The following PARD3B variants were observed in gnomAD, a reference collection of about 807,000 sequenced individuals.
PARD3B encodes the protein par-3 family cell polarity regulator beta.
Under a neutral mutation model 130.2 loss-of-function variants are expected in PARD3B, and 103 were observed. The ratio of observed to expected loss-of-function variants is 0.79; its 90% confidence interval spans 0.67 to 0.93. PARD3B has a LOEUF of 0.93. Ranked by LOEUF, PARD3B falls within the 40% of genes least tolerant of loss-of-function variation. The pLI is 0.00. For missense variants in PARD3B, 1,609 were observed against 1,499.2 expected (o/e 1.07, Z -1.21); for synonymous variants, 583 against 553.2 (o/e 1.05, Z -0.76).
chr2:205,365,683 G>C (rs998514805), intron 18 of PARD3B, among the ~76,000 whole-genome samples: 3 of 151,366 alleles, frequency 2.0e-5, no homozygotes, highest in Non-Finnish European at 2.9e-5. Context: ...TTTGTGCCCA[G>C]GCATGTTGGA....
intron 2 of PARD3B, among the ~76,000 whole-genome samples, chr2:204,926,063 T>A (rs1402621855): frequency 6.6e-6 from 1 of 152,036 alleles, no homozygotes; most frequent in East Asian, 1.9e-4. Context: ...GGGTAGCACC[T>A]TTATAAGAGT....
In PARD3B at chr2:204,998,536, GTA is replaced by G. The variant is rs1229139359; in HGVS notation, c.394+33224_394+33225del. Among the ~76,000 whole-genome samples the G allele has an allele frequency of 1.2e-4, 11 of 94,836 alleles. 1 individual carries two copies. Among genetic ancestry groups the G allele is most frequent in the African/African-American group, 3.2e-4 (9 of 27,982 alleles). 62.2% of individuals were successfully genotyped at this position (94,836 alleles called of 152,430 possible). ...TATATGTGTGTGTATATATATGTGT[GTA>G]TATATATATAAAGAATTAGAGAAGA... On this transcript the variant is annotated intron_variant, in intron 3 of 22. Transcript: ENST00000406610.
intron 1 of PARD3B, among the ~76,000 whole-genome samples, chr2:204,651,417 C>T (rs1001241425): frequency 6.6e-6 from 1 of 152,234 alleles, no homozygotes; most frequent in Non-Finnish European, 1.5e-5. Context: ...CTTAAAGCTC[C>T]AAAATAATCT....
chr2:205,079,003 T>C (rs1701237356), intron 4 of PARD3B, among the ~76,000 whole-genome samples: 1 of 152,186 alleles, frequency 6.6e-6, no homozygotes, highest in African/African-American at 2.4e-5. Context: ...GACTGCAGCC[T>C]TGTGAGAGAC....
At chr2:205,329,767 G>T (rs1335078064) in intron 18 of PARD3B, among the ~76,000 whole-genome samples, 1 of 152,112 alleles carries the variant, frequency 6.6e-6, no homozygotes, top group Non-Finnish European at 1.5e-5. Context: ...GAGGCAGGTG[G>T]ATCACCTGAG....
At chr2:204,922,725 A>T (rs2047730637) in intron 2 of PARD3B, among the ~76,000 whole-genome samples, 1 of 152,022 alleles carries the variant, frequency 6.6e-6, no homozygotes, top group South Asian at 2.1e-4. Context: ...TTCTCAAAGG[A>T]GTTGAGATAT....
rs2106525006 is a variant in PARD3B, at chr2:205,562,852, T to C, written c.3260+9449T>C. ...TTTCTGCACCTACCTCCTCCTGTCTTCTCTGACTCCAGCCATTTGCACTGT... is the reference window on the plus strand; with the variant it reads ...TTTCTGCACCTACCTCCTCCTGTCTCCTCTGACTCCAGCCATTTGCACTGT... On this transcript the variant is annotated intron_variant, in intron 22 of 22. Transcript: ENST00000406610. This position sits in a 1 kb window ranked among gnomAD's most constrained non-coding sequence, Gnocchi z 5.4. Among the ~76,000 whole-genome samples the C allele has an allele frequency of 6.6e-6, 1 of 152,322 alleles. No homozygotes were observed. The highest frequency in any genetic ancestry group is 3.4e-3 in the Middle Eastern group (1 of 294).
intron 20 of PARD3B, among the ~76,000 whole-genome samples, chr2:205,449,291 G>A (rs112106759): frequency 0.05 from 7,618 of 150,904 alleles, 655 homozygotes; most frequent in African/African-American, 0.18. Context: ...ATGCAGTGGC[G>A]CGATCTCAGC....
At chr2:204,721,321 A>G (rs1379432666) in intron 2 of PARD3B, among the ~76,000 whole-genome samples, 2 of 152,048 alleles carry the variant, frequency 1.3e-5, no homozygotes, top group Non-Finnish European at 2.9e-5. Context: ...TAAAATGGGA[A>G]CTACCTACAG....
At chr2:205,080,242 G>T (rs79024572) in intron 4 of PARD3B, among the ~76,000 whole-genome samples, 7,329 of 152,048 alleles carry the variant, frequency 0.048, 246 homozygotes, top group Non-Finnish European at 0.07. Flanking sequence ...CAACTTTACA[G>T]AATATCTACT....
chr2:204,895,041 A>G (rs983829812), intron 2 of PARD3B, among the ~76,000 whole-genome samples: 1 of 133,660 alleles, frequency 7.5e-6, no homozygotes, highest in African/African-American at 3.4e-5. Flanking sequence ...TAGAGAATTA[A>G]GGAGAAAGAC....
At chr2:204,810,943 T>G (rs942704994) in intron 2 of PARD3B, among the ~76,000 whole-genome samples, 1 of 151,954 alleles carries the variant, frequency 6.6e-6, no homozygotes, top group Non-Finnish European at 1.5e-5. Context: ...CTGGGCTTTT[T>G]TGTTGTTGTT....
At chr2:205,211,431 A>G (rs906550751) in intron 15 of PARD3B, among the ~76,000 whole-genome samples, 1 of 152,114 alleles carries the variant, frequency 6.6e-6, no homozygotes, top group Non-Finnish European at 1.5e-5. Context: ...TATTTGAGAC[A>G]TATCAGTGAC....
At chr2:205,193,401 T>C in intron 15 of PARD3B, 81 bp downstream of exon 15, 1 of 1,101,934 alleles carries the variant, frequency 9.1e-7, no homozygotes. Context: ...GTTTTGTTTC[T>C]TCAACTCAAA....
Position 205,160,260 on chromosome 2 carries a change from G to A in PARD3B, c.1620+1353G>A, listed in dbSNP as rs537872224. ...CTTTATTTTTCTCATAGCTCTGTGT[G>A]GGGGAGCTGGGGTTTGGGTAGGATT... On this transcript the variant is annotated intron_variant, in intron 11 of 22. Coordinates refer to ENST00000406610, the MANE Select transcript of PARD3B (RefSeq NM_001302769.2). The surrounding 1 kb of genome is among the most constrained non-coding windows in gnomAD (Gnocchi z 4.0). Among the ~76,000 whole-genome samples the A allele has an allele frequency of 1.3e-5, 2 of 152,172 alleles. No individual in the cohort carries two copies. Among genetic ancestry groups the A allele is most frequent in the Non-Finnish European group, 2.9e-5 (2 of 68,032 alleles).
chr2:204,626,744 G>T (rs1011627121), intron 1 of PARD3B, among the ~76,000 whole-genome samples: 4 of 151,752 alleles, frequency 2.6e-5, no homozygotes, highest in Non-Finnish European at 5.9e-5. Context: ...TGATGTGTTT[G>T]TTTTATTATC....
At chr2:205,383,247 C>A (rs1187647489) in intron 18 of PARD3B, among the ~76,000 whole-genome samples, 1 of 152,018 alleles carries the variant, frequency 6.6e-6, no homozygotes, top group Non-Finnish European at 1.5e-5. Flanking sequence ...TAATCCAATA[C>A]CACAGTAATC....
At position 204,965,250 on chromosome 2, in the gene PARD3B, A is replaced by G. The variant is rs1193970184; in HGVS notation, c.321A>G (p.Glu107=). ...AGAGCCCAGATGCTTTTGAGACAGA[A>G]GTGGCCGCCCAACTGGCCGCATTTA... ...DRQSPDAFET[E]VAAQLAAFKP... Residue 107 remains glutamate, a synonymous_variant, in exon 3 of 23, where the codon GAA becomes GAG. Transcript: ENST00000406610. The G allele has an allele frequency of 1.9e-6, 3 of 1,613,832 alleles. No individual in the cohort carries two copies. In the African/African-American group the frequency reaches 4.0e-5, roughly 22 times the overall value.
intron 5 of PARD3B, among the ~76,000 whole-genome samples, chr2:205,113,206 T>C (rs1474085633): frequency 7.9e-5 from 12 of 152,196 alleles, no homozygotes; most frequent in South Asian, 6.2e-4. Flanking sequence ...TGTTGATTTA[T>C]GCAGATTAAG....
Sources: gnomAD v4.1 joint callset for allele counts (sites outside exome capture counted in the v4.1 genomes callset) on GRCh38, gnomAD v4.1.1 for gene constraint, Gnocchi (gnomAD v3.1) non-coding constraint, MANE v1.5 for transcripts, NCBI Gene and HGNC (gene_info 2026-07-23, HGNC 2026-07-21) for gene names.